Variants in LHFPL6 observed in about 807,000 individuals in gnomAD.
The protein encoded by LHFPL6 is LHFPL tetraspan subfamily member 6.
In LHFPL6, 9 loss-of-function variants were observed where a neutral mutation model predicts 20.6. The observed-to-expected ratio is 0.44, with a 90% confidence interval of 0.26 to 0.76. The LOEUF is 0.76. Ranked by LOEUF, LHFPL6 falls within the 30% of genes least tolerant of loss-of-function variation. The pLI, the probability that LHFPL6 is intolerant of heterozygous loss-of-function variation, is 0.20. For missense variants in LHFPL6, 218 were observed against 253.5 expected (o/e 0.86, Z 0.95); for synonymous variants, 105 against 98.7 (o/e 1.06, Z -0.38).
intron 2 of LHFPL6, among the ~76,000 whole-genome samples, chr13:39,569,562 A>G (rs757011458): frequency 6.6e-6 from 1 of 152,230 alleles, no homozygotes; most frequent in South Asian, 2.1e-4. Flanking sequence ...AAGCAATACT[A>G]TATCACCAAG....
intron 2 of LHFPL6, among the ~76,000 whole-genome samples, chr13:39,392,555 T>C (rs757665632): frequency 6.6e-6 from 1 of 151,968 alleles, no homozygotes; most frequent in South Asian, 2.1e-4. Context: ...GATTGCCCCA[T>C]TGCACTCCAG....
At chr13:39,400,769 C>T (rs549235392) in intron 2 of LHFPL6, among the ~76,000 whole-genome samples, 61 of 98,426 alleles carry the variant, frequency 6.2e-4, no homozygotes, top group Non-Finnish European at 7.5e-4. Flanking sequence ...GGCGACAGAG[C>T]GAGACTCCGT....
intron 2 of LHFPL6, among the ~76,000 whole-genome samples, chr13:39,531,043 T>C (rs76142562): frequency 0.013 from 2,002 of 152,150 alleles, 48 homozygotes; most frequent in East Asian, 0.094. Flanking sequence ...ATACAAGCAA[T>C]ACACACTTAA....
At chr13:39,396,994 T>C (rs1443149207) in intron 2 of LHFPL6, among the ~76,000 whole-genome samples, 1 of 152,130 alleles carries the variant, frequency 6.6e-6, no homozygotes. Flanking sequence ...TATTTCAGAC[T>C]TGTAGCCTCA....
chr13:39,404,889 A>G (rs1390006163), intron 2 of LHFPL6, among the ~76,000 whole-genome samples: 1 of 152,208 alleles, frequency 6.6e-6, no homozygotes, highest in Non-Finnish European at 1.5e-5. Context: ...TGCAAAATGA[A>G]TGGTCAATAA....
intron 2 of LHFPL6, among the ~76,000 whole-genome samples, chr13:39,564,069 C>A (rs951898779): frequency 2.6e-5 from 4 of 152,122 alleles, no homozygotes; most frequent in Non-Finnish European, 5.9e-5. Context: ...AGGCTTCCCA[C>A]CATCGAGAGT....
chr13:39,447,685 T>G (rs1434238500), intron 2 of LHFPL6, among the ~76,000 whole-genome samples: 2 of 152,144 alleles, frequency 1.3e-5, no homozygotes, highest in Non-Finnish European at 2.9e-5. Context: ...CACTTCTCAG[T>G]GGCACCAAGG....
chr13:39,488,016 T>C (rs1351592919), intron 2 of LHFPL6, among the ~76,000 whole-genome samples: 1 of 152,192 alleles, frequency 6.6e-6, no homozygotes, highest in Admixed American at 6.5e-5. Context: ...CCCCAAAATT[T>C]ATATGTTGAA....
At chr13:39,594,553 G>T (rs181413510) in intron 2 of LHFPL6, among the ~76,000 whole-genome samples, 1 of 152,224 alleles carries the variant, frequency 6.6e-6, no homozygotes, top group African/African-American at 2.4e-5. Context: ...GTGGACGTCG[G>T]TGTGGCGATT....
chr13:39,574,431 T>C (rs996498070), intron 2 of LHFPL6, among the ~76,000 whole-genome samples: 37 of 144,814 alleles, frequency 2.6e-4, no homozygotes, highest in Non-Finnish European at 2.1e-4. Context: ...TGCAGTGAGC[T>C]GAGATCGTGC....
intron 3 of LHFPL6, among the ~76,000 whole-genome samples, chr13:39,365,346 A>G (rs1489638200): frequency 1.3e-5 from 2 of 152,150 alleles, no homozygotes; most frequent in Non-Finnish European, 2.9e-5. Flanking sequence ...TATACTCTCT[A>G]GGTATCCGGT....
At chr13:39,543,075 A>G (rs1476979616) in intron 2 of LHFPL6, among the ~76,000 whole-genome samples, 1 of 152,028 alleles carries the variant, frequency 6.6e-6, no homozygotes, top group African/African-American at 2.4e-5. Context: ...CTATGAATTT[A>G]CCTATTCTAG....
chr13:39,583,772 C>T (rs1350062753), intron 2 of LHFPL6, among the ~76,000 whole-genome samples: 1 of 152,170 alleles, frequency 6.6e-6, no homozygotes, highest in African/African-American at 2.4e-5. Context: ...TCTTCATTGG[C>T]TTTTAATCTC....
At chr13:39,523,437 C>A (rs982722226) in intron 2 of LHFPL6, among the ~76,000 whole-genome samples, 2 of 151,296 alleles carry the variant, frequency 1.3e-5, no homozygotes, top group Non-Finnish European at 2.9e-5. Flanking sequence ...GGCGAGGTGG[C>A]GGGCGCCTGT....
At chr13:39,375,198 G>A (rs1185613189) in intron 3 of LHFPL6, among the ~76,000 whole-genome samples, 1 of 152,216 alleles carries the variant, frequency 6.6e-6, no homozygotes, top group Non-Finnish European at 1.5e-5. Context: ...GTGTGGCAGA[G>A]GCAAGCAGCA....
intron 2 of LHFPL6, among the ~76,000 whole-genome samples, chr13:39,575,316 G>C (rs1872080657): frequency 6.6e-6 from 1 of 152,048 alleles, no homozygotes; most frequent in Non-Finnish European, 1.5e-5. Flanking sequence ...GAAACTATTT[G>C]TACCCTTACT....
rs34479336 is a variant in LHFPL6, at chr13:39,452,105, TA to T, written c.386-73580del. Among the ~76,000 whole-genome samples the T allele has an allele frequency of 4.2e-4, 62 of 147,596 alleles. 1 individual carries two copies. The highest frequency in any genetic ancestry group is 3.5e-3 in the Middle Eastern group (1 of 282). On this transcript the variant is annotated intron_variant, in intron 2 of 3. Coordinates refer to ENST00000379589, the MANE Select transcript of LHFPL6 (RefSeq NM_005780.3). ...TTGTTATGTACAGCTACATCAAGGT[TA>T]AAAAAAAAAAGGATATAACAGAGAG... is the stretch of plus-strand genomic sequence containing the variant.
chr13:39,378,596 A>G, intron 2 of LHFPL6, 70 bp from the exon 3 acceptor site: 1 of 1,119,606 alleles, frequency 8.9e-7, no homozygotes, highest in Non-Finnish European at 1.4e-6. Flanking sequence ...TGGTGGGATC[A>G]ATATTTAGCA....
chr13:39,558,728 A>T (rs929508119), intron 2 of LHFPL6, among the ~76,000 whole-genome samples: 1 of 152,222 alleles, frequency 6.6e-6, no homozygotes, highest in Non-Finnish European at 1.5e-5. Context: ...AATGCTATAG[A>T]GAGGAGAAGC....
Sources: gnomAD v4.1 joint callset for allele counts (sites outside exome capture counted in the v4.1 genomes callset) on GRCh38, gnomAD v4.1.1 for gene constraint, MANE v1.5 for transcripts, NCBI Gene and HGNC (gene_info 2026-07-23, HGNC 2026-07-21) for gene names.